MACROH2A2: variants seen among roughly 807,000 people sequenced by gnomAD.
MACROH2A2 encodes core histone macro-H2A.2.
A neutral mutation model predicts 37.6 loss-of-function variants in MACROH2A2; 6 were observed. That is an observed-to-expected ratio of 0.16 (90% CI 0.09 to 0.32). The LOEUF is 0.32. Among genes scored for constraint, MACROH2A2 ranks in the 10% least tolerant of loss-of-function variants. The pLI is 1.00. For missense variants in MACROH2A2, 290 were observed against 485.9 expected (o/e 0.60, Z 3.79); for synonymous variants, 192 against 202.7 (o/e 0.95, Z 0.45).
intron 1 of MACROH2A2, among the ~76,000 whole-genome samples, chr10:70,060,124 G>A (rs2136615616): frequency 6.6e-6 from 1 of 152,220 alleles, no homozygotes; most frequent in East Asian, 1.9e-4. Flanking sequence ...AATCCCAGCA[G>A]TTTGGGAGGC....
At chr10:70,103,676 C>T (rs1016855582) in intron 7 of MACROH2A2, among the ~76,000 whole-genome samples, 1 of 151,746 alleles carries the variant, frequency 6.6e-6, no homozygotes, top group Non-Finnish European at 1.5e-5. Context: ...TGTGGTAAAG[C>T]CTTAGAAATT....
intron 7 of MACROH2A2, among the ~76,000 whole-genome samples, chr10:70,106,318 C>A (rs1407624253): frequency 6.6e-6 from 1 of 152,200 alleles, no homozygotes; most frequent in East Asian, 1.9e-4. Flanking sequence ...ACAGCCCTTG[C>A]AATAACTTGA....
chr10:70,094,892 G>C (rs919159362), intron 5 of MACROH2A2, among the ~76,000 whole-genome samples: 1 of 152,188 alleles, frequency 6.6e-6, no homozygotes, highest in Non-Finnish European at 1.5e-5. Flanking sequence ...TCTCCAGCAA[G>C]GTTATTGGCT....
intron 7 of MACROH2A2, among the ~76,000 whole-genome samples, chr10:70,101,026 C>A (rs1035918182): frequency 2.0e-5 from 3 of 152,176 alleles, no homozygotes; most frequent in Non-Finnish European, 4.4e-5. Context: ...CACACAGAAA[C>A]CCTGTTGGGT....
intron 1 of MACROH2A2, among the ~76,000 whole-genome samples, chr10:70,064,581 G>A (rs188966479): frequency 2.0e-5 from 3 of 152,048 alleles, no homozygotes; most frequent in Non-Finnish European, 4.4e-5. Context: ...TTGTGGGAGC[G>A]ACTCAGGGGG....
chr10:70,068,189 T>C (rs1468154061), intron 1 of MACROH2A2, among the ~76,000 whole-genome samples: 1 of 152,204 alleles, frequency 6.6e-6, no homozygotes, highest in Non-Finnish European at 1.5e-5. Flanking sequence ...ACTTTCTTAT[T>C]TTCCTTACTT....
chr10:70,059,422 G>T (rs1327082705), intron 1 of MACROH2A2, among the ~76,000 whole-genome samples: 1 of 151,598 alleles, frequency 6.6e-6, no homozygotes, highest in East Asian at 1.9e-4. Context: ...ACCCAGGCTG[G>T]AGTGCAGTGG....
intron 1 of MACROH2A2, among the ~76,000 whole-genome samples, chr10:70,067,777 C>T (rs2072087135): frequency 6.6e-6 from 1 of 152,088 alleles, no homozygotes; most frequent in African/African-American, 2.4e-5. Context: ...AGATAATCCC[C>T]AAAGTTGATG....
At chr10:70,093,073 G>A (rs1167563381) in intron 4 of MACROH2A2, among the ~76,000 whole-genome samples, 2 of 151,874 alleles carry the variant, frequency 1.3e-5, no homozygotes, top group East Asian at 3.9e-4. Flanking sequence ...GCAGTGGCGA[G>A]ATCATAGCTC....
At chr10:70,072,725 GGA>G (rs2072117781) in intron 1 of MACROH2A2, among the ~76,000 whole-genome samples, 1 of 152,136 alleles carries the variant, frequency 6.6e-6, no homozygotes, top group African/African-American at 2.4e-5. Flanking sequence ...GGGAGGCTGA[GGA>G]AGATGGATCA....
rs898954649 is a variant in MACROH2A2 at position 70,111,814 on chromosome 10, G to A, written c.*131G>A. Reference sequence around the variant, plus strand: ...GCCGGGCAGGTCCTGCCGGCGCAGGGAGCCCTCTGCCCTTCACACTCTCCT... The same window carrying A: ...GCCGGGCAGGTCCTGCCGGCGCAGGAAGCCCTCTGCCCTTCACACTCTCCT... On this transcript the variant is annotated 3_prime_UTR_variant, in exon 9 of 9. Coordinates refer to ENST00000373255, the MANE Select transcript of MACROH2A2 (RefSeq NM_018649.3). 6 of 684,822 alleles carry A rather than the reference G, an allele frequency of 8.8e-6. No individual in the cohort carries two copies. The highest frequency in any genetic ancestry group is 5.6e-5 in the African/African-American group (3 of 53,960). 42.4% of individuals were successfully genotyped at this position (684,822 alleles called of 1,614,324 possible).
At position 70,075,877 on chromosome 10, in the gene MACROH2A2, C is replaced by G. The variant is rs1168857112; in HGVS notation, c.172+47C>G. On this transcript the variant is annotated intron_variant, in intron 2 of 8. Coordinates refer to ENST00000373255, the MANE Select transcript of MACROH2A2 (RefSeq NM_018649.3). The surrounding 1 kb of genome is among the most constrained non-coding windows in gnomAD (Gnocchi z 5.0). The stretch of plus-strand genomic sequence containing the variant: ...GGCTGCCTGCTCCCAGGTCCCCACC[C>G]TCCCCTGGGTCCCCCTCGCAGGCTG... 1 of 1,522,596 alleles carries G rather than the reference C, an allele frequency of 6.6e-7. No homozygotes were observed. Among genetic ancestry groups the G allele is most frequent in the Non-Finnish European group, 9.0e-7 (1 of 1,107,538 alleles). The allele number at this position is 1,522,596 out of a possible 1,614,324, so 94.3% of individuals were successfully genotyped here. A position where few individuals can be genotyped will look rare whatever the true frequency, so the allele number is the denominator to read the frequency against.
chr10:70,072,687 T>G (rs1391103999), intron 1 of MACROH2A2, among the ~76,000 whole-genome samples: 1 of 152,142 alleles, frequency 6.6e-6, no homozygotes, highest in Non-Finnish European at 1.5e-5. Flanking sequence ...CCAGGTGTGG[T>G]GGCTCACACC....
At chr10:70,068,265 A>C (rs4746949) in intron 1 of MACROH2A2, among the ~76,000 whole-genome samples, 34,556 of 152,064 alleles carry the variant, frequency 0.23, 4,232 homozygotes, top group African/African-American at 0.33. Context: ...CTAGCATAGA[A>C]ATTCCCTCAC....
chr10:70,092,648 A>C (rs1465078994), intron 4 of MACROH2A2, among the ~76,000 whole-genome samples: 2 of 152,196 alleles, frequency 1.3e-5, no homozygotes, highest in Admixed American at 1.3e-4. Context: ...TACAGGTAAA[A>C]GAATAAAGGG....
chr10:70,079,861 G>A lies in MACROH2A2; in HGVS notation c.172+4031G>A, dbSNP rs572543166. Among the ~76,000 whole-genome samples, 6 of 152,300 alleles carry A rather than the reference G, an allele frequency of 3.9e-5. No homozygotes were observed. The East Asian group carries it at 1.2e-3, about 29-fold the overall frequency. On this transcript the variant is annotated intron_variant, in intron 2 of 8. Coordinates refer to ENST00000373255, the MANE Select transcript of MACROH2A2 (RefSeq NM_018649.3). ...ATAATGGATTGGATCCACAGGGAGGGGCATCAAGGATGATATGAATCTTGT... is the reference window on the plus strand; with the variant it reads ...ATAATGGATTGGATCCACAGGGAGGAGCATCAAGGATGATATGAATCTTGT...
At chr10:70,078,010 C>T (rs1485782854) in intron 2 of MACROH2A2, among the ~76,000 whole-genome samples, 7 of 152,216 alleles carry the variant, frequency 4.6e-5, no homozygotes. Context: ...AGTTTTGCTG[C>T]CCTACACTAC....
chr10:70,058,310 TAATTCAAGTCAA>T (rs1322402893), intron 1 of MACROH2A2, among the ~76,000 whole-genome samples: 1 of 152,236 alleles, frequency 6.6e-6, no homozygotes, highest in Non-Finnish European at 1.5e-5. Context: ...ATGGAGTAAG[TAATTCAAGTCAA>T]AATTCTCATG....
At chr10:70,090,229 C>A in intron 3 of MACROH2A2, 63 bp downstream of exon 3, 1 of 1,091,438 alleles carries the variant, frequency 9.2e-7, no homozygotes, top group Admixed American at 1.7e-5. Flanking sequence ...ATGTGTGGGC[C>A]TGGCTGGCCA....
Sources: gnomAD v4.1 joint callset for allele counts (sites outside exome capture counted in the v4.1 genomes callset) on GRCh38, gnomAD v4.1.1 for gene constraint, Gnocchi (gnomAD v3.1) non-coding constraint, MANE v1.5 for transcripts, NCBI Gene and HGNC (gene_info 2026-07-23, HGNC 2026-07-21) for gene names.